The following ST6GALNAC3 variants were observed in gnomAD, a reference collection of about 807,000 sequenced individuals.
ST6GALNAC3 encodes ST6 N-acetylgalactosaminide alpha-2,6-sialyltransferase 3.
A neutral mutation model predicts 32.7 loss-of-function variants in ST6GALNAC3; 25 were observed. The observed-to-expected ratio is 0.76, with a 90% CI of 0.56 to 1.07. The LOEUF (loss-of-function observed/expected upper bound fraction) is 1.07. ST6GALNAC3 is among the 50% of genes least tolerant of loss of function. The probability of loss-of-function intolerance (pLI) is 0.00; values close to 1 mark genes in which losing one functional copy is unlikely to be tolerated. For missense variants in ST6GALNAC3, 355 were observed against 382.4 expected (o/e 0.93, Z 0.60); for synonymous variants, 129 against 133.1 (o/e 0.97, Z 0.21).
At chr1:76,339,745 C>G (rs533715830) in intron 2 of ST6GALNAC3, among the ~76,000 whole-genome samples, 1 of 152,042 alleles carries the variant, frequency 6.6e-6, no homozygotes, top group African/African-American at 2.4e-5. Flanking sequence ...AGAGACCAAG[C>G]AACTCCTCTA....
At chr1:76,181,493 G>A (rs1653176106) in intron 1 of ST6GALNAC3, among the ~76,000 whole-genome samples, 1 of 98,378 alleles carries the variant, frequency 1.0e-5, no homozygotes, top group Admixed American at 9.1e-5. Flanking sequence ...ATATAACTAT[G>A]AATGGAGAGT....
intron 2 of ST6GALNAC3, among the ~76,000 whole-genome samples, chr1:76,397,320 T>G (rs2101188695): frequency 6.6e-6 from 1 of 150,872 alleles, no homozygotes; most frequent in East Asian, 2.0e-4. Flanking sequence ...CACTTGTAGT[T>G]AAATATCCAG....
At chr1:76,279,576 A>T (rs1659377387) in intron 1 of ST6GALNAC3, among the ~76,000 whole-genome samples, 1 of 152,222 alleles carries the variant, frequency 6.6e-6, no homozygotes, top group Non-Finnish European at 1.5e-5. Flanking sequence ...GGCTTGTCAG[A>T]GGCAGTAGTG....
chr1:76,090,241 G>A (rs963144526), intron 1 of ST6GALNAC3, among the ~76,000 whole-genome samples: 3 of 152,168 alleles, frequency 2.0e-5, no homozygotes, highest in Non-Finnish European at 1.5e-5. Flanking sequence ...AAAAGTTAAG[G>A]AGTTCTTAGA....
chr1:76,113,960 G>C (rs1019375074), intron 1 of ST6GALNAC3, among the ~76,000 whole-genome samples: 1 of 150,848 alleles, frequency 6.6e-6, no homozygotes, highest in Non-Finnish European at 1.5e-5. Context: ...GAGTAGCTGG[G>C]ATTACAGGCG....
intron 3 of ST6GALNAC3, among the ~76,000 whole-genome samples, chr1:76,614,718 C>CAAAAAAAAAAAAA (rs55744575): frequency 1.5e-4 from 10 of 67,522 alleles, no homozygotes; most frequent in African/African-American, 4.8e-4. Flanking sequence ...GACTCCATCT[C>CAAAAAAAAAAAAA]AAAAAAAAAA....
At chr1:76,304,835 AT>A (rs1226342086) in intron 1 of ST6GALNAC3, among the ~76,000 whole-genome samples, 1 of 152,088 alleles carries the variant, frequency 6.6e-6, no homozygotes, top group Non-Finnish European at 1.5e-5. Context: ...ATTTACACTT[AT>A]GCTCTGCTTC....
At chr1:76,154,856 C>T (rs1651292294) in intron 1 of ST6GALNAC3, among the ~76,000 whole-genome samples, 2 of 152,114 alleles carry the variant, frequency 1.3e-5, no homozygotes, top group African/African-American at 4.8e-5. Flanking sequence ...GGAGCGCTAC[C>T]ATTTAACGAA....
In ST6GALNAC3 at chr1:76,386,012, A is replaced by T. The variant is rs34586014; in HGVS notation, c.214-25996A>T. Among the ~76,000 whole-genome samples the T allele has an allele frequency of 4.0e-3, 614 of 152,238 alleles. 3 individuals carry two copies. The highest frequency in any genetic ancestry group is 6.5e-3 in the Admixed American group (99 of 15,274). On this transcript the variant is annotated intron_variant, in intron 2 of 4. Coordinates refer to ENST00000328299, the MANE Select transcript of ST6GALNAC3 (RefSeq NM_152996.4). ...GCTGGGGCATTGGTCTCTTGTCTGC[A>T]TAGTCACCTTACTTTCACTAGGATC...
intron 3 of ST6GALNAC3, among the ~76,000 whole-genome samples, chr1:76,590,582 A>C (rs889712769): frequency 1.2e-4 from 18 of 152,104 alleles, no homozygotes; most frequent in African/African-American, 4.3e-4. Context: ...ACAAAGACAA[A>C]CTCTCTATGG....
At chr1:76,341,605 T>TTTTATTTCTTTCTTTC (rs1553181634) in intron 2 of ST6GALNAC3, among the ~76,000 whole-genome samples, 3 of 91,186 alleles carry the variant, frequency 3.3e-5, no homozygotes, top group African/African-American at 1.3e-4. Flanking sequence ...TCCAAACTGC[T>TTTTATTTCTTTCTTTC]TTTCTTTCTT....
intron 2 of ST6GALNAC3, among the ~76,000 whole-genome samples, chr1:76,321,944 T>A (rs1646975161): frequency 1.3e-5 from 2 of 152,196 alleles, no homozygotes; most frequent in African/African-American, 4.8e-5. Context: ...TCACATTTTT[T>A]ATTGATGAAA....
At chr1:76,357,133 T>TTTTTTC (rs1649537035) in intron 2 of ST6GALNAC3, among the ~76,000 whole-genome samples, 1 of 138,954 alleles carries the variant, frequency 7.2e-6, no homozygotes, top group South Asian at 2.4e-4. Context: ...TCTTTTTCTT[T>TTTTTTC]TTTTTTTTTT....
chr1:76,487,758 G>A (rs1309914716), intron 3 of ST6GALNAC3, among the ~76,000 whole-genome samples: 1 of 152,118 alleles, frequency 6.6e-6, no homozygotes, highest in Non-Finnish European at 1.5e-5. Context: ...CCTTTGTTCC[G>A]TTGGCTGGCG....
At chr1:76,091,573 G>C (rs758216632) in intron 1 of ST6GALNAC3, among the ~76,000 whole-genome samples, 1 of 152,204 alleles carries the variant, frequency 6.6e-6, no homozygotes, top group Admixed American at 6.5e-5. Flanking sequence ...ACATGACGAC[G>C]TTTCAGTCCA....
chr1:76,437,610 G>T (rs1472953721), intron 3 of ST6GALNAC3, among the ~76,000 whole-genome samples: 4 of 138,458 alleles, frequency 2.9e-5, no homozygotes, highest in Admixed American at 7.9e-5. Context: ...ACGGAGTCTC[G>T]CTCTGTCATC....
chr1:76,358,090 G>T (rs1035797954), intron 2 of ST6GALNAC3, among the ~76,000 whole-genome samples: 1 of 152,012 alleles, frequency 6.6e-6, no homozygotes. Flanking sequence ...TCCCCTCAGT[G>T]CATAGGGTAT....
chr1:76,143,192 T>G (rs1650442920), intron 1 of ST6GALNAC3, among the ~76,000 whole-genome samples: 1 of 152,194 alleles, frequency 6.6e-6, no homozygotes, highest in Non-Finnish European at 1.5e-5. Flanking sequence ...AAAACTAACT[T>G]TGGATTTATT....
chr1:76,193,596 T>C (rs2706193), intron 1 of ST6GALNAC3, among the ~76,000 whole-genome samples: 85,167 of 152,024 alleles, frequency 0.56, 25,324 homozygotes, highest in East Asian at 0.93. Context: ...CTTTGTGGAA[T>C]GAATAATAAT....
Sources: allele counts gnomAD v4.1 joint callset (sites outside exome capture counted in the v4.1 genomes callset), GRCh38; gene constraint gnomAD v4.1.1; transcripts MANE v1.5; gene names NCBI Gene and HGNC (gene_info 2026-07-23, HGNC 2026-07-21).